RPS6KA1: variants seen among roughly 807,000 people sequenced by gnomAD.
RPS6KA1 encodes ribosomal protein S6 kinase A1, also known as ribosomal protein S6 kinase alpha-1.
Under a neutral mutation model 91.3 loss-of-function variants are expected in RPS6KA1, and 48 were observed. That is an observed-to-expected ratio of 0.53 (90% CI 0.42 to 0.67). RPS6KA1 has a LOEUF of 0.67. Ranked by LOEUF, RPS6KA1 falls within the 30% of genes least tolerant of loss-of-function variation. The pLI, the probability that RPS6KA1 is intolerant of heterozygous loss-of-function variation, is 0.00. For synonymous variants in RPS6KA1, 359 were observed against 384.7 expected (o/e 0.93, Z 0.78); for missense variants, 719 against 960.5 (o/e 0.75, Z 3.32).
chr1:26,565,591 G>T (rs1235885582), intron 17 of RPS6KA1, among the ~76,000 whole-genome samples: 9 of 133,392 alleles, frequency 6.7e-5, no homozygotes, highest in African/African-American at 2.5e-4. Flanking sequence ...ATGGAGTTTT[G>T]CTCTTCTCGC....
chr1:26,572,603 G>T (rs554470997), intron 20 of RPS6KA1, among the ~76,000 whole-genome samples: 2 of 152,132 alleles, frequency 1.3e-5, no homozygotes, highest in Non-Finnish European at 2.9e-5. Context: ...CACACAAGGG[G>T]CAGAGATGCC....
Position 26,554,594 on chromosome 1 carries a change from A to G in RPS6KA1, c.614-2A>G. Reference sequence around the variant, plus strand: ...TGTGTCCTCCTGCCCTCCTTGCTGTAGACTTTGGCCTGAGCAAAGAGGCCA... The same window carrying G: ...TGTGTCCTCCTGCCCTCCTTGCTGTGGACTTTGGCCTGAGCAAAGAGGCCA... On this transcript the variant is annotated splice_acceptor_variant, in intron 8 of 21. Transcript: ENST00000374168. LOFTEE classifies it high-confidence loss of function. The surrounding 1 kb of genome is among the most constrained non-coding windows in gnomAD (Gnocchi z 4.6). 6.2e-7 allele frequency: 1 copy of G among 1,610,176 alleles called. No individual in the cohort carries two copies. Among genetic ancestry groups the G allele is most frequent in the Non-Finnish European group, 8.5e-7 (1 of 1,177,172 alleles).
rs1299522537 is a variant in RPS6KA1, at chr1:26,574,170, G to A, written c.2177G>A (p.Arg726Gln). ...PIESSILAQR[R>Q]VRKLPSTTL Reference sequence around the variant, plus strand: ...GAGTCATCCATCCTGGCCCAGCGGCGAGTGAGGAAGTTGCCATCCACCACC... The same window carrying A: ...GAGTCATCCATCCTGGCCCAGCGGCAAGTGAGGAAGTTGCCATCCACCACC... Residue 726 changes from arginine (R) to glutamine (Q), a missense_variant, in exon 22 of 22, where the codon CGA becomes CAA. Arg to Gln is a conservative substitution (Grantham distance 43). Transcript: ENST00000374168. The surrounding 1 kb of genome is among the most constrained non-coding windows in gnomAD (Gnocchi z 4.3). The A allele has an allele frequency of 6.8e-6, 11 of 1,614,112 alleles. No homozygotes were observed. Among genetic ancestry groups the A allele is most frequent in the Admixed American group, 1.7e-5 (1 of 60,018 alleles).
chr1:26,543,131 G>A (rs918849808), intron 2 of RPS6KA1: 5 of 1,535,208 alleles, frequency 3.3e-6, no homozygotes, highest in Admixed American at 3.9e-5. Context: ...AAGAGTAACG[G>A]GGCCCTCTGG....
intron 4 of RPS6KA1, among the ~76,000 whole-genome samples, chr1:26,549,019 A>G (rs1253463611): frequency 6.6e-6 from 1 of 151,172 alleles, no homozygotes; most frequent in Non-Finnish European, 1.5e-5. Flanking sequence ...AGACTCCGGA[A>G]AGACATGCAG....
In RPS6KA1 at chr1:26,571,354, C is replaced by T; in HGVS notation, c.1591-95C>T. On this transcript the variant is annotated intron_variant, in intron 17 of 21. Coordinates refer to ENST00000374168, the MANE Select transcript of RPS6KA1 (RefSeq NM_002953.4). This position sits in a 1 kb window ranked among gnomAD's most constrained non-coding sequence, Gnocchi z 5.1. ...CCAAGTCCATGCACCCGTCCCTCTG[C>T]ACCCTGTCTGTGTAGCTTTCTAATC... 2 of 1,232,846 alleles carry T rather than the reference C, an allele frequency of 1.6e-6. No individual in the cohort carries two copies. The highest frequency in any genetic ancestry group is 2.3e-6 in the Non-Finnish European group (2 of 854,604). The allele number at this position is 1,232,846 out of a possible 1,614,324, so 76.4% of individuals were successfully genotyped here.
intron 14 of RPS6KA1, among the ~76,000 whole-genome samples, chr1:26,559,902 C>T (rs2076139408): frequency 6.6e-6 from 1 of 152,094 alleles, no homozygotes; most frequent in Non-Finnish European, 1.5e-5. Context: ...ACAGACCCAT[C>T]TGGCCAACAT....
At chr1:26,548,029 G>A (rs1250915334) in intron 4 of RPS6KA1, among the ~76,000 whole-genome samples, 2 of 152,206 alleles carry the variant, frequency 1.3e-5, no homozygotes, top group African/African-American at 4.8e-5. Flanking sequence ...TGAGCTGGGT[G>A]TGGTGGTGTG....
intron 4 of RPS6KA1, among the ~76,000 whole-genome samples, chr1:26,549,690 C>CTTTTTTTTTTTT (rs561375723): frequency 2.0e-5 from 2 of 101,914 alleles, no homozygotes; most frequent in African/African-American, 3.7e-5. Flanking sequence ...AAAGCCTGTT[C>CTTTTTTTTTTTT]TTTTTTTTTT....
Position 26,558,026 on chromosome 1 carries a change from A to G in RPS6KA1, c.1085-781A>G, listed in dbSNP as rs1364308794. Among the ~76,000 whole-genome samples, 3 of 151,686 alleles carry G rather than the reference A, an allele frequency of 2.0e-5. No individual in the cohort carries two copies. Among genetic ancestry groups the G allele is most frequent in the Admixed American group, 1.3e-4 (2 of 15,200 alleles). ...GTATTTTTAGTAGAGACGGGGTTTC[A>G]CCATGTTGGCCAGGCTGGTCTCGAA... On this transcript the variant is annotated intron_variant, in intron 13 of 21. Transcript: ENST00000374168. This position sits in a 1 kb window ranked among gnomAD's most constrained non-coding sequence, Gnocchi z 4.0.
intron 20 of RPS6KA1, 95 bp from the exon 21 acceptor site, chr1:26,573,129 C>A: frequency 7.5e-7 from 1 of 1,334,122 alleles, no homozygotes; most frequent in South Asian, 1.3e-5. Flanking sequence ...AGGGTTCAGG[C>A]GGGAGCTAGC....
chr1:26,571,930 G>T lies in RPS6KA1; in HGVS notation c.1829+5G>T. ...GCTGTACACCATGCTGGCAGGGTGA[G>T]TGCCCCTGGCCTGGACCCTTCCCCA... On this transcript the variant is annotated splice_donor_5th_base_variant and intron_variant, in intron 19 of 21. Coordinates refer to ENST00000374168, the MANE Select transcript of RPS6KA1 (RefSeq NM_002953.4). The surrounding 1 kb of genome is among the most constrained non-coding windows in gnomAD (Gnocchi z 5.1). The T allele has an allele frequency of 6.2e-7, 1 of 1,610,740 alleles. No homozygotes were observed.
Position 26,554,572 on chromosome 1 carries a change from G to A in RPS6KA1, c.614-24G>A, listed in dbSNP as rs1212152690. 6.2e-7 allele frequency: 1 copy of A among 1,601,400 alleles called. No homozygotes were observed. On this transcript the variant is annotated intron_variant, in intron 8 of 21. Transcript: ENST00000374168. The surrounding 1 kb of genome is among the most constrained non-coding windows in gnomAD (Gnocchi z 4.6). Reference sequence around the variant, plus strand: ...AAGGAAGGCAGGGGTCCTAAGGTGTGTCCTCCTGCCCTCCTTGCTGTAGAC... The same window carrying A: ...AAGGAAGGCAGGGGTCCTAAGGTGTATCCTCCTGCCCTCCTTGCTGTAGAC...
chr1:26,537,022 C>T (rs2075911965), intron 2 of RPS6KA1, 53 bp downstream of exon 2: 2 of 1,598,898 alleles, frequency 1.3e-6, no homozygotes, highest in African/African-American at 1.3e-5. Flanking sequence ...ATCCTGTTTG[C>T]ATGGCTTTGG....
intron 14 of RPS6KA1, among the ~76,000 whole-genome samples, chr1:26,560,000 C>T (rs926962231): frequency 2.6e-5 from 4 of 152,114 alleles, no homozygotes; most frequent in Non-Finnish European, 4.4e-5. Flanking sequence ...GCAGAGGTTG[C>T]AGTGAGCTGA....
chr1:26,551,289 G>A lies in RPS6KA1; in HGVS notation c.308-108G>A, dbSNP rs2076047188. 7.6e-6 allele frequency: 7 copies of A among 925,906 alleles called. No homozygotes were observed. The highest frequency in any genetic ancestry group is 1.2e-5 in the Non-Finnish European group (7 of 579,748). 57.4% of individuals were successfully genotyped at this position (925,906 alleles called of 1,614,324 possible). On this transcript the variant is annotated intron_variant, in intron 4 of 21. Transcript: ENST00000374168. The surrounding 1 kb of genome is among the most constrained non-coding windows in gnomAD (Gnocchi z 4.5). ...AAAGCCCTGGGTGAGGGGGCTTTGG[G>A]AGCTCAGGCCTGGAGGAACAAGTGG...
chr1:26,565,495 C>T (rs1319726720), intron 17 of RPS6KA1, among the ~76,000 whole-genome samples: 8 of 152,046 alleles, frequency 5.3e-5, no homozygotes, highest in Admixed American at 5.2e-4. Context: ...GGATAACCAT[C>T]CTAAGCTAAA....
rs1288197965 is a variant in RPS6KA1 at position 26,574,041 on chromosome 1, C to CA, written c.2086-38_2086-37insA. 2 of 1,601,746 alleles carry CA rather than the reference C, an allele frequency of 1.2e-6. No homozygotes were observed. The highest frequency in any genetic ancestry group is 2.7e-5 in the African/African-American group (2 of 74,878). On this transcript the variant is annotated intron_variant, in intron 21 of 21. Coordinates refer to ENST00000374168, the MANE Select transcript of RPS6KA1 (RefSeq NM_002953.4). This position sits in a 1 kb window ranked among gnomAD's most constrained non-coding sequence, Gnocchi z 4.3. Reference sequence around the variant, plus strand: ...CATGGATCCCCTCCCCGCTACATCTCCCACCATTGTGACCTGACCTCCCCA... The same window carrying CA: ...CATGGATCCCCTCCCCGCTACATCTCACCACCATTGTGACCTGACCTCCCCA...
Position 26,573,322 on chromosome 1 carries a change from C to T in RPS6KA1, c.2046C>T (p.Pro682=). 1 of 1,614,204 alleles carries T rather than the reference C, an allele frequency of 6.2e-7. No homozygotes were observed. The highest frequency in any genetic ancestry group is 2.2e-5 in the East Asian group (1 of 44,878). ...GGGTCACCCAGAAAGACAAGCTTCC[C>T]CAAAGCCAGCTGTCCCACCAGGACC... The part of the protein sequence containing the change: ...HPWVTQKDKL[P]QSQLSHQDLQ... The change falls in exon 21 of 22, where the codon CCC becomes CCT. Residue 682 remains proline (P), a synonymous_variant. Coordinates refer to ENST00000374168, the MANE Select transcript of RPS6KA1 (RefSeq NM_002953.4).
Sources: allele counts gnomAD v4.1 joint callset (sites outside exome capture counted in the v4.1 genomes callset), GRCh38; gene constraint gnomAD v4.1.1; non-coding constraint Gnocchi (gnomAD v3.1); transcripts MANE v1.5; gene names NCBI Gene and HGNC (gene_info 2026-07-23, HGNC 2026-07-21).